Variants in SPATA9 observed in about 807,000 individuals in gnomAD.
SPATA9 encodes the protein spermatogenesis associated 9.
Under a neutral mutation model 25.5 loss-of-function variants are expected in SPATA9, and 27 were observed. The observed-to-expected ratio is 1.06, with a 90% CI of 0.78 to 1.46. The LOEUF is 1.46. SPATA9 is among the 40% of genes most tolerant of loss of function. The pLI, the probability that SPATA9 is intolerant of heterozygous loss-of-function variation, is 0.00. For missense variants in SPATA9, 282 were observed against 297.5 expected, an observed-to-expected ratio of 0.95 and a Z score of 0.38; for synonymous variants, 102 against 105.7, an observed-to-expected ratio of 0.97 and a Z score of 0.21.
the SPATA9 span, among the ~76,000 whole-genome samples, chr5:95,708,382 T>C: frequency 1.3e-5 from 2 of 152,144 alleles, no homozygotes; most frequent in African/African-American, 4.8e-5. Context: ...TCCCATGACA[T>C]GCCATAATAT....
intron 4 of SPATA9, among the ~76,000 whole-genome samples, chr5:95,661,239 C>A (rs775152016): frequency 6.6e-6 from 1 of 152,076 alleles, no homozygotes; most frequent in Non-Finnish European, 1.5e-5. Context: ...CTGATTGTTG[C>A]TTCTTGTCTC....
chr5:95,694,216 C>T (rs759241208), intron 1 of SPATA9, among the ~76,000 whole-genome samples: 1 of 152,100 alleles, frequency 6.6e-6, no homozygotes, highest in Non-Finnish European at 1.5e-5. Context: ...TATGTAAGTA[C>T]ATATAAGCTT....
chr5:95,720,742 G>A, the SPATA9 span, among the ~76,000 whole-genome samples: 6 of 151,914 alleles, frequency 3.9e-5, no homozygotes, highest in East Asian at 1.9e-4. Flanking sequence ...AGATAGACTC[G>A]TAGACTTTTC....
chr5:95,666,949 G>A (rs1040118408), intron 3 of SPATA9, among the ~76,000 whole-genome samples: 1 of 152,176 alleles, frequency 6.6e-6, no homozygotes, highest in African/African-American at 2.4e-5. Flanking sequence ...TTATGATTTA[G>A]TTATGTGGCT....
At chr5:95,712,924 T>G in the SPATA9 span, among the ~76,000 whole-genome samples, 1 of 152,224 alleles carries the variant, frequency 6.6e-6, no homozygotes, top group Non-Finnish European at 1.5e-5. Context: ...GTTTAAAGTT[T>G]TCTTCATATA....
the SPATA9 span, among the ~76,000 whole-genome samples, chr5:95,718,578 C>T: frequency 6.6e-6 from 1 of 152,104 alleles, no homozygotes; most frequent in African/African-American, 2.4e-5. Context: ...CTTTGGAGAG[C>T]CAGGCAATAC....
At chr5:95,659,825 A>G (rs2112546300) in intron 4 of SPATA9, among the ~76,000 whole-genome samples, 1 of 152,196 alleles carries the variant, frequency 6.6e-6, no homozygotes, top group Non-Finnish European at 1.5e-5. Context: ...CAGTTAGTTC[A>G]TTAGCTACCC....
chr5:95,670,861 CAGTTCTG>C, intron 3 of SPATA9: 1 of 985,432 alleles, frequency 1.0e-6, no homozygotes, highest in Non-Finnish European at 1.2e-6. Flanking sequence ...TCCTCATAGT[CAGTTCTG>C]TTTCTGTCCT....
At chr5:95,715,193 G>A in the SPATA9 span, among the ~76,000 whole-genome samples, 1 of 151,936 alleles carries the variant, frequency 6.6e-6, no homozygotes, top group Non-Finnish European at 1.5e-5. Flanking sequence ...GCGTGGTGGT[G>A]CATGCCTGTA....
upstream of SPATA9, among the ~76,000 whole-genome samples, chr5:95,683,663 G>A (rs1203791481): frequency 1.3e-5 from 2 of 151,956 alleles, no homozygotes; most frequent in East Asian, 1.9e-4. Context: ...TCAGCCTCCC[G>A]AGTAGCTGGG....
chr5:95,653,306 G>C, intron 8 of SPATA9: 2 of 1,510,244 alleles, frequency 1.3e-6, no homozygotes, highest in Non-Finnish European at 1.8e-6. Flanking sequence ...TGTACTCCAG[G>C]CAAAACCAAG....
the SPATA9 span, chr5:95,730,913 C>G: frequency 2.2e-6 from 1 of 457,600 alleles, no homozygotes; most frequent in Non-Finnish European, 4.4e-6. Context: ...CACTTTCGGT[C>G]AAGGCCAAGA....
rs200414539 is a variant in SPATA9, at chr5:95,658,508, C to CT, written c.*114dup. On this transcript the variant is annotated 3_prime_UTR_variant, in exon 5 of 5. Coordinates refer to ENST00000274432, the MANE Select transcript of SPATA9 (RefSeq NM_031952.4). ...GACATTTTAATAGTAGCCCCCTTCT[C>CT]TTTTTTTTAAGAAAGCAGAGCAATT... 6.6e-5 allele frequency: 88 copies of CT among 1,333,390 alleles called. 2 individuals are homozygous for CT. The highest frequency in any genetic ancestry group is 1.0e-4 in the South Asian group (6 of 59,190). The allele number at this position is 1,333,390 out of a possible 1,614,324, so 82.6% of individuals were successfully genotyped here. A position where few individuals can be genotyped will look rare whatever the true frequency, so the allele number is the denominator to read the frequency against.
At chr5:95,654,431 A>T, downstream of SPATA9, 1 of 1,088,052 alleles carries the variant, frequency 9.2e-7, no homozygotes, top group Non-Finnish European at 1.4e-6. Context: ...AATAATTTAT[A>T]ATTGGTTTGA....
downstream of SPATA9, chr5:95,656,135 C>A (rs187589891): frequency 2.3e-4 from 374 of 1,613,816 alleles, 1 homozygote; most frequent in East Asian, 8.0e-3. Context: ...AGTCTATAAA[C>A]CCTAAAGATC....
chr5:95,715,691 A>T, the SPATA9 span, among the ~76,000 whole-genome samples: 5 of 152,202 alleles, frequency 3.3e-5, no homozygotes, highest in African/African-American at 1.2e-4. Flanking sequence ...GAATTTCTTT[A>T]ACAAGACAGA....
At chr5:95,711,062 C>A in the SPATA9 span, among the ~76,000 whole-genome samples, 1 of 152,120 alleles carries the variant, frequency 6.6e-6, no homozygotes, top group Non-Finnish European at 1.5e-5. Flanking sequence ...CTCCTGGTGA[C>A]TCATCGGGCC....
chr5:95,689,969 A>C (rs1253347860), intron 1 of SPATA9, among the ~76,000 whole-genome samples: 1 of 152,194 alleles, frequency 6.6e-6, no homozygotes, highest in Non-Finnish European at 1.5e-5. Context: ...CTCACTTATA[A>C]GTTGGCACTA....
chr5:95,709,930 C>G, the SPATA9 span, among the ~76,000 whole-genome samples: 1 of 152,110 alleles, frequency 6.6e-6, no homozygotes, highest in Non-Finnish European at 1.5e-5. Flanking sequence ...TTTTTGATAG[C>G]CTTTCCTGCT....
Sources: gnomAD v4.1 joint callset for allele counts (sites outside exome capture counted in the v4.1 genomes callset) on GRCh38, gnomAD v4.1.1 for gene constraint, MANE v1.5 for transcripts, NCBI Gene and HGNC (gene_info 2026-07-23, HGNC 2026-07-21) for gene names.